CNTNAP4: variants seen among roughly 807,000 people sequenced by gnomAD.
CNTNAP4 encodes the protein contactin associated protein family member 4.
A neutral mutation model predicts 148.4 loss-of-function variants in CNTNAP4; 98 were observed. That is an observed-to-expected ratio of 0.66 (90% CI 0.56 to 0.78). CNTNAP4 has a LOEUF of 0.78. CNTNAP4 is among the 30% of genes least tolerant of loss of function. The probability of loss-of-function intolerance (pLI) is 0.00; values close to 1 mark genes in which losing one functional copy is unlikely to be tolerated. For missense variants in CNTNAP4, 1,935 were observed against 1,565.6 expected, an observed-to-expected ratio of 1.24 and a Z score of -3.98; for synonymous variants, 730 against 565.1, an observed-to-expected ratio of 1.29 and a Z score of -4.14.
In CNTNAP4 at chr16:76,538,197, C is replaced by T; in HGVS notation, c.3077C>T (p.Ser1026Phe). 6.2e-7 allele frequency: 1 copy of T among 1,607,584 alleles called. No individual in the cohort carries two copies. Among genetic ancestry groups the T allele is most frequent in the Non-Finnish European group, 8.5e-7 (1 of 1,177,664 alleles). The part of the protein sequence containing the change: ...ENYLLSKNSS[S>F]HAASFHGDMK... ...TATCTTTTAAGTAAAAACTCCAGCT[C>T]CCACGCTGCTTCATTTCATGGTGAT... Residue 1026 changes from serine to phenylalanine, a missense_variant, in exon 19 of 24, where the codon TCC becomes TTC. By Grantham distance (155) the Ser-to-Phe change is radical. Transcript: ENST00000611870.
intron 4 of CNTNAP4, among the ~76,000 whole-genome samples, chr16:76,446,112 C>T (rs936964667): frequency 5.9e-5 from 9 of 151,868 alleles, no homozygotes; most frequent in Non-Finnish European, 1.5e-5. Context: ...TCTGAGTCTT[C>T]AAAAGATGGC....
chr16:76,435,918 C>T (rs1313564940), intron 4 of CNTNAP4, among the ~76,000 whole-genome samples: 1 of 152,164 alleles, frequency 6.6e-6, no homozygotes, highest in Non-Finnish European at 1.5e-5. Context: ...CATTATCCCA[C>T]ACCCTTAATA....
At chr16:76,392,718 T>C (rs2078071469) in intron 3 of CNTNAP4, among the ~76,000 whole-genome samples, 1 of 152,186 alleles carries the variant, frequency 6.6e-6, no homozygotes, top group East Asian at 1.9e-4. Context: ...GTTGAGTCTT[T>C]AGGGAGGAGC....
At chr16:76,464,382 A>G (rs557814220) in intron 9 of CNTNAP4, among the ~76,000 whole-genome samples, 6 of 152,060 alleles carry the variant, frequency 3.9e-5, no homozygotes, top group African/African-American at 1.4e-4. Flanking sequence ...GGGGTGATCA[A>G]CTCTTGCCAA....
chr16:76,539,679 C>T (rs370522307), intron 19 of CNTNAP4, 40 bp from the exon 20 acceptor site: 446 of 1,530,010 alleles, frequency 2.9e-4, no homozygotes, highest in Admixed American at 3.6e-4. Context: ...TCTCAAAGTA[C>T]GATTTTTACT....
chr16:76,449,618 C>A, intron 6 of CNTNAP4, 97 bp from the exon 7 acceptor site: 16 of 992,246 alleles, frequency 1.6e-5, no homozygotes, highest in Non-Finnish European at 2.1e-5. Context: ...AAAAATTGAT[C>A]TGTGTGTGAT....
chr16:76,525,288 A>G (rs1418940787), intron 17 of CNTNAP4, among the ~76,000 whole-genome samples: 2 of 151,912 alleles, frequency 1.3e-5, no homozygotes, highest in East Asian at 1.9e-4. Context: ...TGAAAAACTA[A>G]TTTAAAAAAT....
chr16:76,514,329 C>T (rs2083153071), intron 15 of CNTNAP4, among the ~76,000 whole-genome samples: 1 of 152,278 alleles, frequency 6.6e-6, no homozygotes, highest in South Asian at 2.1e-4. Context: ...AAATTCTGTT[C>T]TTCCAGTTTC....
At chr16:76,446,452 T>C (rs970877591) in intron 4 of CNTNAP4, among the ~76,000 whole-genome samples, 2 of 152,230 alleles carry the variant, frequency 1.3e-5, no homozygotes, top group African/African-American at 4.8e-5. Flanking sequence ...TATGAGTTCT[T>C]TTTAATGTCT....
chr16:76,498,767 C>A, intron 15 of CNTNAP4, 73 bp downstream of exon 15: 1 of 1,397,734 alleles, frequency 7.2e-7, no homozygotes. Flanking sequence ...ACTTAAGCAT[C>A]ACGTTTCTAT....
At chr16:76,348,857 C>CAA (rs34687530) in intron 2 of CNTNAP4, among the ~76,000 whole-genome samples, 5,319 of 147,920 alleles carry the variant, frequency 0.036, 243 homozygotes, top group African/African-American at 0.11. Flanking sequence ...TAAAAGAAGC[C>CAA]AAAAAAAAAA....
intron 17 of CNTNAP4, among the ~76,000 whole-genome samples, chr16:76,522,721 CTT>C (rs1568497850): frequency 4.8e-4 from 20 of 41,500 alleles, no homozygotes; most frequent in South Asian, 1.8e-3. Flanking sequence ...CTTTTCTTTT[CTT>C]TTCTTTTCTT....
At chr16:76,340,513 C>T (rs914521646) in intron 2 of CNTNAP4, among the ~76,000 whole-genome samples, 4 of 152,124 alleles carry the variant, frequency 2.6e-5, no homozygotes, top group Admixed American at 6.6e-5. Flanking sequence ...TTTGCCCTAT[C>T]CCTCTCCAAC....
chr16:76,321,408 A>T (rs1350889075), intron 2 of CNTNAP4, among the ~76,000 whole-genome samples: 1 of 152,218 alleles, frequency 6.6e-6, no homozygotes, highest in Non-Finnish European at 1.5e-5. Context: ...GTCAGTGCTT[A>T]AGAGGATAGA....
intron 1 of CNTNAP4, among the ~76,000 whole-genome samples, chr16:76,293,604 T>G (rs912799284): frequency 6.6e-6 from 1 of 152,190 alleles, no homozygotes; most frequent in African/African-American, 2.4e-5. Flanking sequence ...ATTTGTATAA[T>G]CAATTTTTAG....
intron 3 of CNTNAP4, among the ~76,000 whole-genome samples, chr16:76,374,451 TAAATC>T (rs1230531890): frequency 2.0e-5 from 3 of 152,166 alleles, no homozygotes; most frequent in Non-Finnish European, 2.9e-5. Context: ...TTCTGATCCT[TAAATC>T]AGAATAAATA....
chr16:76,355,839 CTTTTATTT>C (rs1429531931), intron 3 of CNTNAP4, among the ~76,000 whole-genome samples: 49 of 142,338 alleles, frequency 3.4e-4, no homozygotes, highest in Admixed American at 4.4e-4. Flanking sequence ...CTTGCATTGT[CTTTTATTT>C]ATTTATTTAT....
intron 3 of CNTNAP4, among the ~76,000 whole-genome samples, chr16:76,357,012 G>A (rs764351794): frequency 1.3e-5 from 2 of 150,868 alleles, no homozygotes; most frequent in Non-Finnish European, 2.9e-5. Flanking sequence ...TCCAAAGCAA[G>A]TTGAAGCTGT....
intron 1 of CNTNAP4, among the ~76,000 whole-genome samples, chr16:76,300,733 A>C (rs1278669928): frequency 6.6e-6 from 1 of 152,096 alleles, no homozygotes; most frequent in Non-Finnish European, 1.5e-5. Context: ...TGTAACTATA[A>C]TTAACATTTT....
Sources: allele counts gnomAD v4.1 joint callset (sites outside exome capture counted in the v4.1 genomes callset), GRCh38; gene constraint gnomAD v4.1.1; transcripts MANE v1.5; gene names NCBI Gene and HGNC (gene_info 2026-07-23, HGNC 2026-07-21).